The following LIPA variants were observed in gnomAD, a reference collection of about 807,000 sequenced individuals.
LIPA encodes the protein lysosomal acid lipase/cholesteryl ester hydrolase.
Under a neutral mutation model 40.6 loss-of-function variants are expected in LIPA, and 26 were observed. The ratio of observed to expected loss-of-function variants is 0.64; its 90% CI spans 0.47 to 0.89. The LOEUF (loss-of-function observed/expected upper bound fraction) is 0.89, where lower values mean the gene tolerates loss of function less well. Among genes scored for constraint, LIPA ranks in the 40% least tolerant of loss-of-function variants. LIPA has a pLI of 0.00. For missense variants in LIPA, 455 were observed against 479.6 expected, an observed-to-expected ratio of 0.95 and a Z score of 0.48; for synonymous variants, 188 against 168.4, an observed-to-expected ratio of 1.12 and a Z score of -0.90.
At chr10:89,325,719 G>T (rs1384277980) in intron 1 of LIPA, among the ~76,000 whole-genome samples, 1 of 152,136 alleles carries the variant, frequency 6.6e-6, no homozygotes, top group Non-Finnish European at 1.5e-5. Flanking sequence ...GGTAAAGAAT[G>T]GGTGAAGAGA....
At position 89,238,278 on chromosome 10, in the gene LIPA, C is replaced by A. The variant is rs188182442; in HGVS notation, c.229+7398G>T. ...TTAACAGAAGATGATTTGATGGAGA[C>A]GAGTGCTTCTAAAACAGCACCAGAC... On this transcript the variant is annotated intron_variant, in intron 3 of 9. Transcript: ENST00000336233. 3.1e-4 allele frequency among the ~76,000 whole-genome samples: 47 copies of A among 152,214 alleles called. No homozygotes were observed. The East Asian group carries it at 5.8e-3, about 19-fold the overall frequency.
At chr10:89,240,822 G>C (rs1393183337) in intron 3 of LIPA, among the ~76,000 whole-genome samples, 1 of 152,112 alleles carries the variant, frequency 6.6e-6, no homozygotes, top group South Asian at 2.1e-4. Context: ...GTGTGCCCTT[G>C]AGCAGGGGAC....
chr10:89,414,206 T>C (rs1014768477), intron 1 of LIPA, among the ~76,000 whole-genome samples: 2 of 152,208 alleles, frequency 1.3e-5, no homozygotes, highest in Non-Finnish European at 2.9e-5. Context: ...CATAGATGTA[T>C]AGCATTGCAG....
chr10:89,387,447 C>T (rs1205378601), intron 2 of LIPA, among the ~76,000 whole-genome samples: 1 of 152,000 alleles, frequency 6.6e-6, no homozygotes, highest in African/African-American at 2.4e-5. Context: ...TTATCAGTGG[C>T]TTCTACATGC....
intron 1 of LIPA, among the ~76,000 whole-genome samples, chr10:89,287,186 A>G (rs56865190): frequency 0.035 from 5,297 of 152,270 alleles, 298 homozygotes; most frequent in African/African-American, 0.11. Flanking sequence ...CTGCCCGATC[A>G]CCTGAGAAGC....
At chr10:89,232,337 A>G (rs1842852109) in intron 3 of LIPA, among the ~76,000 whole-genome samples, 1 of 150,480 alleles carries the variant, frequency 6.6e-6, no homozygotes, top group Non-Finnish European at 1.5e-5. Context: ...GAGCTAGGCC[A>G]TGAGTAAGGT....
chr10:89,366,749 C>T (rs1473456349), intron 2 of LIPA, among the ~76,000 whole-genome samples: 3 of 152,200 alleles, frequency 2.0e-5, no homozygotes, highest in Non-Finnish European at 4.4e-5. Flanking sequence ...AGTTCAACCA[C>T]TGTGGAAGTC....
At chr10:89,332,357 C>A in intron 1 of LIPA, 1 of 713,422 alleles carries the variant, frequency 1.4e-6, no homozygotes, top group Non-Finnish European at 2.1e-6. Flanking sequence ...TGCCTTTTTA[C>A]AACTTTCAAA....
At chr10:89,399,381 G>A (rs1461707029) in intron 2 of LIPA, among the ~76,000 whole-genome samples, 2 of 152,154 alleles carry the variant, frequency 1.3e-5, no homozygotes, top group Non-Finnish European at 2.9e-5. Context: ...TTTTGGTGGA[G>A]TCCAGCTTAA....
intron 8 of LIPA, among the ~76,000 whole-genome samples, chr10:89,219,934 A>G (rs948790284): frequency 1.3e-5 from 2 of 152,226 alleles, no homozygotes; most frequent in African/African-American, 4.8e-5. Flanking sequence ...ATCTAAAGTC[A>G]CCAGGTCACA....
At chr10:89,255,060 C>G (rs1199967370), upstream of LIPA, among the ~76,000 whole-genome samples, 2 of 152,194 alleles carry the variant, frequency 1.3e-5, no homozygotes, top group East Asian at 3.8e-4. Context: ...CTGAGCCCTC[C>G]AAACTGTTCC....
intron 2 of LIPA, chr10:89,392,723 G>A (rs200031532): frequency 6.2e-7 from 1 of 1,613,968 alleles, no homozygotes; most frequent in African/African-American, 1.3e-5. Context: ...ATGAGGTAAG[G>A]ATTTCTTTGC....
In LIPA at chr10:89,413,782, A is replaced by C. The variant is rs577892585; in HGVS notation, c.-72+625T>G. ...ACCCTGTCTCAAAAAAAAAAAAAAA[A>C]CCAAAATCAATGCAAAAGATGAATT... On this transcript the variant is annotated intron_variant, in intron 1 of 8. Transcript: ENST00000371837. Among the ~76,000 whole-genome samples, 210 of 142,870 alleles carry C rather than the reference A, an allele frequency of 1.5e-3. 2 individuals are homozygous for C. The highest frequency in any genetic ancestry group is 2.3e-3 in the Non-Finnish European group (155 of 66,164). 93.7% of individuals were successfully genotyped at this position (142,870 alleles called of 152,430 possible). A position where few individuals can be genotyped will look rare whatever the true frequency, so the allele number is the denominator to read the frequency against.
intron 1 of LIPA, among the ~76,000 whole-genome samples, chr10:89,264,992 C>G (rs1168908984): frequency 6.6e-6 from 1 of 152,236 alleles, no homozygotes; most frequent in Non-Finnish European, 1.5e-5. Flanking sequence ...CAGCCTCCCT[C>G]CCATGCTCAT....
intron 2 of LIPA, among the ~76,000 whole-genome samples, chr10:89,365,597 A>G (rs200366777): frequency 0.011 from 1,679 of 152,152 alleles, 42 homozygotes; most frequent in East Asian, 0.093. Flanking sequence ...TAACATTTAA[A>G]TCTTTAATCC....
chr10:89,306,148 AG>A, intron 1 of LIPA: 1 of 1,614,164 alleles, frequency 6.2e-7, no homozygotes, highest in Non-Finnish European at 8.5e-7. Flanking sequence ...AGCACCTCAA[AG>A]GGCAAAACGA....
At chr10:89,294,531 A>G (rs1181564826) in intron 1 of LIPA, among the ~76,000 whole-genome samples, 8 of 152,206 alleles carry the variant, frequency 5.3e-5, no homozygotes, top group Non-Finnish European at 5.9e-5. Context: ...CAAGAGGACA[A>G]TGCCCCCATA....
chr10:89,337,935 C>T (rs1207712177), intron 1 of LIPA, among the ~76,000 whole-genome samples: 3 of 152,144 alleles, frequency 2.0e-5, no homozygotes, highest in African/African-American at 7.2e-5. Flanking sequence ...ACTTAAAATA[C>T]AGTATTCAAT....
chr10:89,314,851 G>T (rs1011591668), intron 1 of LIPA, among the ~76,000 whole-genome samples: 2 of 152,150 alleles, frequency 1.3e-5, no homozygotes, highest in Admixed American at 1.3e-4. Context: ...CATTACATAA[G>T]AATCTATTGC....
Sources: gnomAD v4.1 joint callset for allele counts (sites outside exome capture counted in the v4.1 genomes callset) on GRCh38, gnomAD v4.1.1 for gene constraint, MANE v1.5 for transcripts, NCBI Gene and HGNC (gene_info 2026-07-23, HGNC 2026-07-21) for gene names.